The following STK32C variants were observed in gnomAD, a reference collection of about 807,000 sequenced individuals.
STK32C encodes the protein serine/threonine kinase 32C, also known as serine/threonine-protein kinase 32C.
A neutral mutation model predicts 56.5 loss-of-function variants in STK32C; 31 were observed. That is an observed-to-expected ratio of 0.55 (90% CI 0.41 to 0.74). STK32C has a LOEUF of 0.74. Among genes scored for constraint, STK32C ranks in the 30% least tolerant of loss-of-function variants. The probability of loss-of-function intolerance (pLI) is 0.00; values close to 1 mark genes in which losing one functional copy is unlikely to be tolerated. For synonymous variants in STK32C, 309 were observed against 289.4 expected, an observed-to-expected ratio of 1.07 and a Z score of -0.69; for missense variants, 544 against 676.9, an observed-to-expected ratio of 0.80 and a Z score of 2.18.
intron 1 of STK32C, among the ~76,000 whole-genome samples, chr10:132,289,793 C>T (rs1293660275): frequency 6.6e-6 from 1 of 152,180 alleles, no homozygotes; most frequent in African/African-American, 2.4e-5. Context: ...CACCTAAGTA[C>T]CTCCCAAAGG....
At chr10:132,330,278 G>A in intron 1 of STK32C, 1 of 591,384 alleles carries the variant, frequency 1.7e-6, no homozygotes, top group South Asian at 2.0e-5. Context: ...AAGCAAGAGG[G>A]AATACGCTCA....
At chr10:132,272,033 ACC>A (rs2064842741) in intron 1 of STK32C, among the ~76,000 whole-genome samples, 3 of 152,194 alleles carry the variant, frequency 2.0e-5, no homozygotes, top group African/African-American at 7.2e-5. Context: ...GAAAGGACAG[ACC>A]AGGTGTGCCT....
chr10:132,208,628 C>T (rs2062183384), intron 11 of STK32C, among the ~76,000 whole-genome samples: 1 of 152,206 alleles, frequency 6.6e-6, no homozygotes, highest in African/African-American at 2.4e-5. Flanking sequence ...GCAGCTGCTG[C>T]TATTTCTGGC....
Position 132,239,052 on chromosome 10 carries a change from G to A in STK32C, c.318+6848C>T, listed in dbSNP as rs552990807. Reference sequence around the variant, plus strand: ...ACTCCCCATCAGAGGTCCAAGGGAGGAAGATCACACTGCACTTAACCATTT... The same window carrying A: ...ACTCCCCATCAGAGGTCCAAGGGAGAAAGATCACACTGCACTTAACCATTT... On this transcript the variant is annotated intron_variant, in intron 2 of 11. Coordinates refer to ENST00000298630, the MANE Select transcript of STK32C (RefSeq NM_173575.4). Among the ~76,000 whole-genome samples, 3 of 152,296 alleles carry A rather than the reference G, an allele frequency of 2.0e-5. No homozygotes were observed. The South Asian group carries it at 6.2e-4, about 32-fold the overall frequency.
intron 1 of STK32C, among the ~76,000 whole-genome samples, chr10:132,274,672 C>T (rs1209294106): frequency 6.6e-6 from 1 of 152,206 alleles, no homozygotes; most frequent in Non-Finnish European, 1.5e-5. Context: ...CAGGCGTGGG[C>T]CTGTCTGCAG....
chr10:132,271,300 G>A (rs1175650075), intron 1 of STK32C, among the ~76,000 whole-genome samples: 2 of 151,970 alleles, frequency 1.3e-5, no homozygotes, highest in African/African-American at 4.8e-5. Context: ...CAGCCCTACA[G>A]CAACGGTTCC....
intron 1 of STK32C, among the ~76,000 whole-genome samples, chr10:132,247,505 G>A (rs992451254): frequency 2.0e-5 from 3 of 152,196 alleles, no homozygotes; most frequent in Non-Finnish European, 2.9e-5. Flanking sequence ...GCCTGAAGGC[G>A]CAGGGTGGCA....
intron 1 of STK32C, among the ~76,000 whole-genome samples, chr10:132,250,149 C>A (rs1160022861): frequency 2.0e-5 from 3 of 152,214 alleles, no homozygotes; most frequent in Non-Finnish European, 4.4e-5. Context: ...GGCTCCGCAC[C>A]GGGGGAGGGA....
In STK32C at chr10:132,209,445, G is replaced by A. The variant is rs973444079; in HGVS notation, c.1252-344C>T. On this transcript the variant is annotated intron_variant, in intron 10 of 11. Coordinates refer to ENST00000298630, the MANE Select transcript of STK32C (RefSeq NM_173575.4). ...TGCCGGGCCTTTCCCGTCTCATACC[G>A]GGTTCTCCCAGCCCCTCATCACAGC... 8 of 488,038 alleles carry A rather than the reference G, an allele frequency of 1.6e-5. No homozygotes were observed. The East Asian group carries it at 1.9e-4, about 11-fold the overall frequency. 30.2% of individuals were successfully genotyped at this position (488,038 alleles called of 1,614,324 possible). A position where few individuals can be genotyped will look rare whatever the true frequency, so the allele number is the denominator to read the frequency against.
At chr10:132,304,837 T>C (rs1423550444) in intron 1 of STK32C, among the ~76,000 whole-genome samples, 3 of 152,188 alleles carry the variant, frequency 2.0e-5, no homozygotes, top group African/African-American at 4.8e-5. Context: ...CAAGGGCCTG[T>C]CCACTCCAGC....
At chr10:132,299,738 A>G (rs2065859245) in intron 1 of STK32C, among the ~76,000 whole-genome samples, 1 of 152,270 alleles carries the variant, frequency 6.6e-6, no homozygotes, top group Non-Finnish European at 1.5e-5. Flanking sequence ...AGTGTAGGGT[A>G]GTTTACTAGC....
intron 1 of STK32C, among the ~76,000 whole-genome samples, chr10:132,281,443 C>A (rs929670925): frequency 3.9e-5 from 6 of 152,164 alleles, no homozygotes; most frequent in African/African-American, 1.2e-4. Context: ...CGTACCTTAC[C>A]GGGCCCGCTC....
chr10:132,257,729 C>G (rs2064173698), intron 1 of STK32C, among the ~76,000 whole-genome samples: 2 of 151,862 alleles, frequency 1.3e-5, no homozygotes, highest in Non-Finnish European at 2.9e-5. Flanking sequence ...ATCCTCCCCC[C>G]AACCCCCACC....
chr10:132,223,743 G>A (rs1183316688), intron 8 of STK32C, among the ~76,000 whole-genome samples: 1 of 152,234 alleles, frequency 6.6e-6, no homozygotes, highest in Non-Finnish European at 1.5e-5. Context: ...CCGGGAGGCA[G>A]CCGGGCCCGT....
intron 1 of STK32C, among the ~76,000 whole-genome samples, chr10:132,303,087 C>A (rs1387629136): frequency 1.3e-5 from 2 of 152,266 alleles, no homozygotes; most frequent in Non-Finnish European, 2.9e-5. Context: ...AGCGTGGAAA[C>A]GGTCCCACTC....
chr10:132,297,451 G>C (rs1189454361), intron 1 of STK32C, among the ~76,000 whole-genome samples: 1 of 152,226 alleles, frequency 6.6e-6, no homozygotes, highest in African/African-American at 2.4e-5. Flanking sequence ...CCCGGTACTA[G>C]CTGGGCCACG....
intron 1 of STK32C, among the ~76,000 whole-genome samples, chr10:132,249,903 C>G (rs1037836175): frequency 3.3e-5 from 5 of 152,264 alleles, no homozygotes; most frequent in African/African-American, 1.2e-4. Context: ...AGCCCCATTC[C>G]TGGCTCCCAA....
At chr10:132,257,073 G>C (rs921020717) in intron 1 of STK32C, among the ~76,000 whole-genome samples, 5 of 152,182 alleles carry the variant, frequency 3.3e-5, no homozygotes, top group African/African-American at 1.2e-4. Flanking sequence ...CTGTGTCCTG[G>C]GGTGTGGCTG....
At chr10:132,238,391 G>A (rs2063372182) in intron 2 of STK32C, among the ~76,000 whole-genome samples, 1 of 152,112 alleles carries the variant, frequency 6.6e-6, no homozygotes, top group African/African-American at 2.4e-5. Flanking sequence ...CACACCGTGG[G>A]GCCACACAGC....
Sources: allele counts gnomAD v4.1 joint callset (sites outside exome capture counted in the v4.1 genomes callset), GRCh38; gene constraint gnomAD v4.1.1; transcripts MANE v1.5; gene names NCBI Gene and HGNC (gene_info 2026-07-23, HGNC 2026-07-21).